LMO7: variants seen among roughly 807,000 people sequenced by gnomAD.
The protein encoded by LMO7 is LIM domain only protein 7.
In LMO7, 120 loss-of-function variants were observed where a neutral mutation model predicts 206.5. That is an observed-to-expected ratio of 0.58 (90% CI 0.50 to 0.68). LMO7 has a LOEUF of 0.68. Ranked by LOEUF, LMO7 falls within the 30% of genes least tolerant of loss-of-function variation. The pLI is 0.00. For missense variants in LMO7, 1,959 were observed against 1,957.9 expected, an observed-to-expected ratio of 1.00 and a Z score of -0.01; for synonymous variants, 706 against 681.5, an observed-to-expected ratio of 1.04 and a Z score of -0.56.
intron 2 of LMO7, among the ~76,000 whole-genome samples, chr13:75,721,194 C>A (rs1400480016): frequency 1.3e-5 from 2 of 152,076 alleles, no homozygotes; most frequent in African/African-American, 4.8e-5. Context: ...GAGCAAAAAG[C>A]AATTTCTAGC....
chr13:75,763,821 A>G (rs1054961485), intron 4 of LMO7, among the ~76,000 whole-genome samples: 5 of 152,106 alleles, frequency 3.3e-5, no homozygotes, highest in Non-Finnish European at 5.9e-5. Flanking sequence ...AGAGTTGTGT[A>G]TGTTGAAAAT....
intron 4 of LMO7, among the ~76,000 whole-genome samples, chr13:75,794,518 T>C (rs1434368384): frequency 1.3e-5 from 2 of 152,238 alleles, no homozygotes; most frequent in Non-Finnish European, 2.9e-5. Flanking sequence ...GTCTTCTACA[T>C]GCATATATAG....
chr13:75,793,369 G>A (rs1464145195), intron 4 of LMO7, among the ~76,000 whole-genome samples: 1 of 152,096 alleles, frequency 6.6e-6, no homozygotes, highest in Non-Finnish European at 1.5e-5. Context: ...TCCGCCTCCC[G>A]GGTTCAAGCT....
At chr13:75,813,811 C>T (rs1293227922) in intron 11 of LMO7, among the ~76,000 whole-genome samples, 2 of 152,206 alleles carry the variant, frequency 1.3e-5, no homozygotes, top group African/African-American at 4.8e-5. Context: ...CTGGGAGATG[C>T]TGGGCTTTCT....
chr13:75,752,083 ACT>A (rs34847246), intron 3 of LMO7, among the ~76,000 whole-genome samples: 20,510 of 151,684 alleles, frequency 0.14, 1,973 homozygotes, highest in East Asian at 0.35. Flanking sequence ...TGTAAATTAG[ACT>A]CTCTCTCTAT....
At chr13:75,801,003 T>C in intron 7 of LMO7, 121 bp downstream of exon 7, 1 of 839,524 alleles carries the variant, frequency 1.2e-6, no homozygotes, top group South Asian at 1.5e-5. Flanking sequence ...TGGATTTTCA[T>C]AGAGACTGGA....
intron 1 of LMO7, among the ~76,000 whole-genome samples, chr13:75,701,207 G>C (rs1181372940): frequency 1.3e-5 from 2 of 151,742 alleles, no homozygotes; most frequent in Non-Finnish European, 2.9e-5. Context: ...GATGGACTTC[G>C]TTGTTGTTGG....
intron 13 of LMO7, among the ~76,000 whole-genome samples, chr13:75,820,616 A>T (rs1475981345): frequency 6.6e-6 from 1 of 152,196 alleles, no homozygotes; most frequent in Non-Finnish European, 1.5e-5. Context: ...TTTACAATTA[A>T]TAATATCCCA....
chr13:75,653,963 A>G (rs2037811278), intron 1 of LMO7, among the ~76,000 whole-genome samples: 1 of 152,234 alleles, frequency 6.6e-6, no homozygotes, highest in African/African-American at 2.4e-5. Flanking sequence ...TTTTGCAACC[A>G]TAGTGGATCT....
At chr13:75,718,694 C>T (rs1026388248) in intron 2 of LMO7, among the ~76,000 whole-genome samples, 4 of 152,052 alleles carry the variant, frequency 2.6e-5, no homozygotes, top group Non-Finnish European at 4.4e-5. Flanking sequence ...TGGTGTTGTA[C>T]GTTGTATGGT....
intron 4 of LMO7, among the ~76,000 whole-genome samples, chr13:75,776,805 G>C (rs924543582): frequency 6.6e-6 from 1 of 152,196 alleles, no homozygotes; most frequent in Non-Finnish European, 1.5e-5. Context: ...CTCTGAGAGA[G>C]AGCCTCTCTA....
At chr13:75,741,131 AC>A (rs2046378182) in intron 3 of LMO7, among the ~76,000 whole-genome samples, 1 of 152,188 alleles carries the variant, frequency 6.6e-6, no homozygotes, top group Non-Finnish European at 1.5e-5. Context: ...CTTTATTAAA[AC>A]TACATTGAAT....
chr13:75,648,146 C>G (rs545434609), intron 1 of LMO7, among the ~76,000 whole-genome samples: 1 of 151,864 alleles, frequency 6.6e-6, no homozygotes, highest in South Asian at 2.1e-4. Context: ...CAGGGTCTTG[C>G]CATGTTGCCT....
In LMO7 at chr13:75,800,793, G is replaced by A; in HGVS notation, c.572G>A (p.Arg191Lys). Residue 191 changes from arginine (R) to lysine (K), a missense_variant, in exon 7 of 31, where the codon AGA becomes AAA. Transcript: ENST00000377534. ...EFLAPPRHHK[R>K]EDSFESLDSL... ...CTTGCTCCTCCAAGGCACCATAAGA[G>A]AGAAGATTCCTTTGAAAGCTTGGAC... 1 of 1,614,140 alleles carries A rather than the reference G, an allele frequency of 6.2e-7. No homozygotes were observed.
chr13:75,688,872 T>A (rs2041231100), intron 1 of LMO7: 1 of 152,206 alleles, frequency 6.6e-6, no homozygotes. Context: ...TTGGGCTTTA[T>A]TTAATGATCA....
chr13:75,847,669 CTTGA>C (rs1471750382), intron 26 of LMO7, among the ~76,000 whole-genome samples: 1 of 152,132 alleles, frequency 6.6e-6, no homozygotes, highest in Non-Finnish European at 1.5e-5. Context: ...TGAGCATGTT[CTTGA>C]TTGATTTAAT....
At chr13:75,805,069 C>T (rs1278572808) in intron 8 of LMO7, 13 of 1,004,402 alleles carry the variant, frequency 1.3e-5, no homozygotes, top group East Asian at 2.1e-4. Flanking sequence ...AATTTCATCT[C>T]GAAAATCACC....
chr13:75,760,815 T>C, intron 3 of LMO7, 117 bp from the exon 4 acceptor site: 1 of 1,552,420 alleles, frequency 6.4e-7, no homozygotes, highest in Non-Finnish European at 8.7e-7. Flanking sequence ...GTCTTGCTGC[T>C]GCCTCTTTTG....
At chr13:75,781,009 G>C (rs867817824) in intron 4 of LMO7, among the ~76,000 whole-genome samples, 1 of 150,094 alleles carries the variant, frequency 6.7e-6, no homozygotes, top group Admixed American at 6.6e-5. Flanking sequence ...TTTTCTAATG[G>C]CACCTGTACT....
Sources: allele counts gnomAD v4.1 joint callset (sites outside exome capture counted in the v4.1 genomes callset), GRCh38; gene constraint gnomAD v4.1.1; transcripts MANE v1.5; gene names NCBI Gene and HGNC (gene_info 2026-07-23, HGNC 2026-07-21).